SLC35D1: variants seen among roughly 807,000 people sequenced by gnomAD.
The protein encoded by SLC35D1 is solute carrier family 35 member D1.
Under a neutral mutation model 46.7 loss-of-function variants are expected in SLC35D1, and 31 were observed. The ratio of observed to expected loss-of-function variants is 0.66; its 90% CI spans 0.50 to 0.90. The LOEUF (loss-of-function observed/expected upper bound fraction) is 0.90, where lower values mean the gene tolerates loss of function less well. Ranked by LOEUF, SLC35D1 falls within the 40% of genes least tolerant of loss-of-function variation. SLC35D1 has a pLI of 0.00. For synonymous variants in SLC35D1, 195 were observed against 164.6 expected (o/e 1.18, Z -1.41); for missense variants, 397 against 426.2 (o/e 0.93, Z 0.60).
chr1:67,037,004 C>G (rs1420919909), intron 8 of SLC35D1, among the ~76,000 whole-genome samples: 3 of 151,950 alleles, frequency 2.0e-5, no homozygotes, highest in African/African-American at 7.2e-5. Context: ...CCTAATAACC[C>G]AGTATTTTAA....
At position 67,050,416 on chromosome 1, in the gene SLC35D1, T is replaced by C. The variant is rs748655318; in HGVS notation, c.464+17A>G. The C allele has an allele frequency of 1.5e-5, 24 of 1,586,370 alleles. No individual in the cohort carries two copies. The highest frequency in any genetic ancestry group is 1.8e-5 in the Non-Finnish European group (21 of 1,155,216). ...CAAGGTGATTTAAAGAACAGATATA[T>C]TAGAAACTTAGCTCACTTGAGTAAA... On this transcript the variant is annotated intron_variant, in intron 5 of 11. Transcript: ENST00000235345.
downstream of SLC35D1, among the ~76,000 whole-genome samples, chr1:66,995,352 C>A (rs1667226276): frequency 6.9e-6 from 1 of 145,832 alleles, no homozygotes; most frequent in Non-Finnish European, 1.5e-5. Flanking sequence ...CAACCTCTGA[C>A]CTACAGTATA....
downstream of SLC35D1, among the ~76,000 whole-genome samples, chr1:66,995,431 G>A (rs1193869322): frequency 1.2e-4 from 7 of 59,270 alleles, no homozygotes; most frequent in Admixed American, 1.8e-3. Flanking sequence ...GCCCTGCTAC[G>A]CTAAAAAAAA....
the SLC35D1 span, among the ~76,000 whole-genome samples, chr1:66,974,210 A>G: frequency 2.2e-3 from 330 of 152,184 alleles, 1 homozygote; most frequent in African/African-American, 7.1e-3. Context: ...TAATAGAGAA[A>G]TGTTTAGTTT....
the SLC35D1 span, chr1:66,986,364 T>C: frequency 6.3e-7 from 1 of 1,597,548 alleles, no homozygotes; most frequent in African/African-American, 1.4e-5. Context: ...ATATCCAAAC[T>C]TTTATAAAAT....
intron 9 of SLC35D1, 117 bp downstream of exon 9, chr1:67,021,418 A>T: frequency 9.3e-7 from 1 of 1,080,214 alleles, no homozygotes; most frequent in African/African-American, 1.6e-5. Flanking sequence ...CTGGAGGCTT[A>T]ATTATCCTAG....
At chr1:67,026,607 A>T (rs987963159) in intron 8 of SLC35D1, among the ~76,000 whole-genome samples, 10 of 152,152 alleles carry the variant, frequency 6.6e-5, no homozygotes, top group African/African-American at 2.4e-4. Context: ...GAAAGTTTTT[A>T]ACTACAAATT....
chr1:67,007,499 G>A (rs1667475975), intron 11 of SLC35D1, among the ~76,000 whole-genome samples: 1 of 152,092 alleles, frequency 6.6e-6, no homozygotes, highest in Non-Finnish European at 1.5e-5. Context: ...CATTATGAAA[G>A]AGGGGGCACA....
chr1:66,981,845 C>T, the SLC35D1 span: 1 of 1,614,030 alleles, frequency 6.2e-7, no homozygotes, highest in Non-Finnish European at 8.5e-7. Context: ...CATCCCCTCC[C>T]CCAACTGCAT....
At chr1:66,993,906 ACCT>A in the SLC35D1 span, among the ~76,000 whole-genome samples, 1 of 152,332 alleles carries the variant, frequency 6.6e-6, no homozygotes, top group South Asian at 2.1e-4. Flanking sequence ...TAAGTTAGTC[ACCT>A]CAAAGACGTT....
intron 10 of SLC35D1, among the ~76,000 whole-genome samples, chr1:67,009,714 T>C (rs542941451): frequency 6.6e-6 from 1 of 152,310 alleles, no homozygotes; most frequent in East Asian, 1.9e-4. Flanking sequence ...AAAGGAATGC[T>C]TATTTATACA....
chr1:66,996,953 A>C (rs1667244923), downstream of SLC35D1, among the ~76,000 whole-genome samples: 1 of 152,226 alleles, frequency 6.6e-6, no homozygotes, highest in Non-Finnish European at 1.5e-5. Context: ...AAAAGAATGA[A>C]GTTGGACCCT....
chr1:66,976,888 C>T, the SLC35D1 span, among the ~76,000 whole-genome samples: 1 of 152,064 alleles, frequency 6.6e-6, no homozygotes, highest in African/African-American at 2.4e-5. Flanking sequence ...TTAAACTTTA[C>T]CATCTATTAT....
chr1:66,988,517 C>T, the SLC35D1 span: 11 of 152,072 alleles, frequency 7.2e-5, no homozygotes, highest in East Asian at 5.6e-4. Context: ...ACTATACGGA[C>T]GTGGAGTTTT....
chr1:66,996,555 C>G (rs1667240345), downstream of SLC35D1, among the ~76,000 whole-genome samples: 1 of 152,180 alleles, frequency 6.6e-6, no homozygotes, highest in Non-Finnish European at 1.5e-5. Flanking sequence ...TGCCAGGCCT[C>G]TAGTAGAGGA....
chr1:66,992,220 C>T, the SLC35D1 span, among the ~76,000 whole-genome samples: 1 of 152,168 alleles, frequency 6.6e-6, no homozygotes, highest in African/African-American at 2.4e-5. Context: ...GTTTTCAGAG[C>T]CCTGTGGATT....
chr1:67,047,739 A>AGG (rs1645266844), intron 6 of SLC35D1, among the ~76,000 whole-genome samples: 1 of 152,230 alleles, frequency 6.6e-6, no homozygotes, highest in Non-Finnish European at 1.5e-5. Context: ...CAAAAGGATG[A>AGG]GGCCATTAAC....
At chr1:66,996,217 T>A (rs538846799), downstream of SLC35D1, among the ~76,000 whole-genome samples, 17 of 152,350 alleles carry the variant, frequency 1.1e-4, no homozygotes, top group African/African-American at 3.8e-4. Context: ...ATCATTTAGC[T>A]GCCAAAAGCA....
intron 10 of SLC35D1, among the ~76,000 whole-genome samples, chr1:67,013,623 T>C (rs760941247): frequency 3.3e-4 from 50 of 152,146 alleles, no homozygotes; most frequent in Non-Finnish European, 1.6e-4. Flanking sequence ...CTGTCTTTGG[T>C]ACAACATAAA....
Sources: gnomAD v4.1 joint callset for allele counts (sites outside exome capture counted in the v4.1 genomes callset) on GRCh38, gnomAD v4.1.1 for gene constraint, MANE v1.5 for transcripts, NCBI Gene and HGNC (gene_info 2026-07-23, HGNC 2026-07-21) for gene names.